The following CPNE4 variants were observed in gnomAD, a reference collection of about 807,000 sequenced individuals.
CPNE4 encodes the protein copine-4.
In CPNE4, 25 loss-of-function variants were observed where a neutral mutation model predicts 67.9. The observed-to-expected ratio is 0.37, with a 90% CI of 0.27 to 0.51. CPNE4 has a LOEUF of 0.51. CPNE4 is among the 20% of genes least tolerant of loss of function. CPNE4 has a pLI of 0.93. For missense variants in CPNE4, 464 were observed against 690.8 expected (o/e 0.67, Z 3.68); for synonymous variants, 242 against 244.9 (o/e 0.99, Z 0.11).
intron 2 of CPNE4, among the ~76,000 whole-genome samples, chr3:131,795,019 C>T (rs2083882636): frequency 2.0e-5 from 3 of 152,146 alleles, no homozygotes; most frequent in Non-Finnish European, 2.9e-5. Flanking sequence ...GGCAGTACTA[C>T]TATTTTGGTT....
Position 131,958,609 on chromosome 3 carries a change from CTTTTTTTTTTTTT to C in CPNE4, c.-1-53178_-1-53166del, listed in dbSNP as rs748126986. Reference sequence around the variant, plus strand: ...CAATTGATACACCTTTCTTTCTTTTCTTTTTTTTTTTTTTTTTTTTTTTTTTTTTTTTTGAGAC... The same window carrying C: ...CAATTGATACACCTTTCTTTCTTTTCTTTTTTTTTTTTTTTTTTTTGAGAC... On this transcript the variant is annotated intron_variant, in intron 1 of 15. Transcript: ENST00000429747. Among the ~76,000 whole-genome samples the C allele has an allele frequency of 5.4e-4, 52 of 95,992 alleles. 2 individuals carry two copies. The highest frequency in any genetic ancestry group is 8.2e-4 in the East Asian group (3 of 3,638). 63.0% of individuals were successfully genotyped at this position (95,992 alleles called of 152,430 possible).
At chr3:131,848,980 A>C (rs1276495379) in intron 2 of CPNE4, among the ~76,000 whole-genome samples, 1 of 142,906 alleles carries the variant, frequency 7.0e-6, no homozygotes, top group African/African-American at 2.5e-5. Context: ...AAAAAAAAAA[A>C]AACACAGAGA....
chr3:131,747,516 T>C (rs1182407639), intron 2 of CPNE4, among the ~76,000 whole-genome samples: 1 of 149,378 alleles, frequency 6.7e-6, no homozygotes, highest in Non-Finnish European at 1.5e-5. Flanking sequence ...GTTTTCACTT[T>C]AGTATTTTAA....
At chr3:131,866,593 C>T (rs2086960951) in intron 2 of CPNE4, among the ~76,000 whole-genome samples, 1 of 152,208 alleles carries the variant, frequency 6.6e-6, no homozygotes, top group South Asian at 2.1e-4. Context: ...TGTAATTTTA[C>T]AGCTGAATAC....
At chr3:131,754,697 T>C (rs1010088572) in intron 2 of CPNE4, among the ~76,000 whole-genome samples, 1 of 152,070 alleles carries the variant, frequency 6.6e-6, no homozygotes, top group Non-Finnish European at 1.5e-5. Context: ...CAAAAGAGTA[T>C]AGTTGAAGTT....
At chr3:131,609,896 G>C (rs1044698398) in intron 7 of CPNE4, among the ~76,000 whole-genome samples, 1 of 152,066 alleles carries the variant, frequency 6.6e-6, no homozygotes, top group Admixed American at 6.6e-5. Context: ...GTTGATATAA[G>C]AGCCCCTACT....
intron 7 of CPNE4, among the ~76,000 whole-genome samples, chr3:131,656,097 C>T (rs1324265534): frequency 6.7e-6 from 1 of 148,866 alleles, no homozygotes; most frequent in Non-Finnish European, 1.5e-5. Context: ...CCCCTCATTC[C>T]TGAAGGAGTG....
intron 2 of CPNE4, among the ~76,000 whole-genome samples, chr3:131,745,427 TTTTAA>T (rs1435023397): frequency 1.3e-5 from 2 of 152,108 alleles, no homozygotes; most frequent in East Asian, 1.9e-4. Flanking sequence ...TTTTGAGAAA[TTTTAA>T]TTTATCAATT....
chr3:131,687,290 C>T (rs182367423), intron 5 of CPNE4, among the ~76,000 whole-genome samples: 2 of 152,282 alleles, frequency 1.3e-5, no homozygotes, highest in Admixed American at 1.3e-4. Context: ...TATAAATTCT[C>T]AAAGAGGAGA....
At chr3:131,986,385 G>A (rs1392295629) in intron 1 of CPNE4, among the ~76,000 whole-genome samples, 1 of 152,168 alleles carries the variant, frequency 6.6e-6, no homozygotes, top group Non-Finnish European at 1.5e-5. Flanking sequence ...GCCAGTATGG[G>A]TCAGCTCTAG....
In CPNE4 at chr3:131,782,369, G is replaced by T. The variant is rs191804607; in HGVS notation, c.181-58744C>A. On this transcript the variant is annotated intron_variant, in intron 2 of 15. Coordinates refer to ENST00000429747, the MANE Select transcript of CPNE4 (RefSeq NM_130808.3). ...CAGGTCATATGTTATGAACACTTTA[G>T]AATTTTATTGAAGAATTTAATAATT... 1.8e-4 allele frequency among the ~76,000 whole-genome samples: 28 copies of T among 152,170 alleles called. No individual in the cohort carries two copies. The East Asian group carries it at 2.1e-3, about 12-fold the overall frequency.
chr3:131,859,144 C>A (rs1235345242), intron 2 of CPNE4, among the ~76,000 whole-genome samples: 1 of 152,120 alleles, frequency 6.6e-6, no homozygotes, highest in Non-Finnish European at 1.5e-5. Context: ...ATAAATGAGA[C>A]CCATGCTAAG....
rs371718614 is a variant in CPNE4, at chr3:131,735,329, A to G, written c.181-11704T>C. Among the ~76,000 whole-genome samples the G allele has an allele frequency of 2.1e-3, 326 of 152,322 alleles. 16 individuals carry two copies. The South Asian group carries it at 0.058, about 27-fold the overall frequency. ...TAGCAGAGCATTATCATCAGACATT[A>G]CTGCATGTCCTCTAAATGTGATGAT... On this transcript the variant is annotated intron_variant, in intron 2 of 15. Coordinates refer to ENST00000429747, the MANE Select transcript of CPNE4 (RefSeq NM_130808.3).
At chr3:131,801,569 C>T (rs1024002957) in intron 2 of CPNE4, among the ~76,000 whole-genome samples, 2 of 147,336 alleles carry the variant, frequency 1.4e-5, no homozygotes, top group African/African-American at 5.0e-5. Flanking sequence ...GAATCAAAAT[C>T]AGGTGTCCTA....
chr3:131,865,768 C>G (rs1440933826), intron 2 of CPNE4, among the ~76,000 whole-genome samples: 1 of 152,156 alleles, frequency 6.6e-6, no homozygotes, highest in Non-Finnish European at 1.5e-5. Flanking sequence ...AAGAAGCAGA[C>G]CTGGAGAGAG....
chr3:131,706,853 C>T (rs2081426105), intron 3 of CPNE4, among the ~76,000 whole-genome samples: 1 of 152,164 alleles, frequency 6.6e-6, no homozygotes, highest in Non-Finnish European at 1.5e-5. Flanking sequence ...CCACTGCCAA[C>T]CAGAAAATTT....
chr3:131,535,095 T>A lies in CPNE4; in HGVS notation c.*100A>T. ...AAAACGTGCTATTTTTAAATGTGTA[T>A]ATGTTGTTGGTTTTTTAAAGTACAG... On this transcript the variant is annotated 3_prime_UTR_variant, in exon 16 of 16. Coordinates refer to ENST00000429747, the MANE Select transcript of CPNE4 (RefSeq NM_130808.3). The A allele has an allele frequency of 5.6e-6, 7 of 1,250,914 alleles. No homozygotes were observed. Among genetic ancestry groups the A allele is most frequent in the Non-Finnish European group, 6.6e-6 (6 of 913,098 alleles). The allele number at this position is 1,250,914 out of a possible 1,614,324, so 77.5% of individuals were successfully genotyped here. A position where few individuals can be genotyped will look rare whatever the true frequency, so the allele number is the denominator to read the frequency against.
At chr3:131,829,286 T>G (rs1358479735) in intron 2 of CPNE4, among the ~76,000 whole-genome samples, 2 of 152,246 alleles carry the variant, frequency 1.3e-5, no homozygotes, top group Admixed American at 1.3e-4. Flanking sequence ...ATACTTTTGC[T>G]GAAGTTTGGT....
At chr3:131,997,365 A>G (rs2073321007) in intron 1 of CPNE4, among the ~76,000 whole-genome samples, 1 of 152,128 alleles carries the variant, frequency 6.6e-6, no homozygotes, top group South Asian at 2.1e-4. Context: ...GGTTAATGCT[A>G]CAAGCAGCAA....
Sources: gnomAD v4.1 joint callset for allele counts (sites outside exome capture counted in the v4.1 genomes callset) on GRCh38, gnomAD v4.1.1 for gene constraint, MANE v1.5 for transcripts, NCBI Gene and HGNC (gene_info 2026-07-23, HGNC 2026-07-21) for gene names.